MDGA2: variants seen among roughly 807,000 people sequenced by gnomAD.
The protein encoded by MDGA2 is MAM domain-containing glycosylphosphatidylinositol anchor protein 2.
Under a neutral mutation model 117.8 loss-of-function variants are expected in MDGA2, and 40 were observed. The ratio of observed to expected loss-of-function variants is 0.34; its 90% confidence interval spans 0.26 to 0.44. MDGA2 has a LOEUF of 0.44. Among genes scored for constraint, MDGA2 ranks in the 20% least tolerant of loss-of-function variants. The pLI is 1.00. For missense variants in MDGA2, 1,123 were observed against 1,250.6 expected (o/e 0.90, Z 1.54); for synonymous variants, 452 against 439.0 (o/e 1.03, Z -0.37).
At chr14:47,600,199 T>C (rs1260968479) in intron 1 of MDGA2, among the ~76,000 whole-genome samples, 1 of 152,006 alleles carries the variant, frequency 6.6e-6, no homozygotes, top group African/African-American at 2.4e-5. Flanking sequence ...AGTTTGAGAC[T>C]AGCCTCGCCA....
In MDGA2 at chr14:47,096,713, C is replaced by G. The variant is rs912774565; in HGVS notation, c.1195+141G>C. 12 of 838,756 alleles carry G rather than the reference C, an allele frequency of 1.4e-5. No homozygotes were observed. The African/African-American group carries it at 1.7e-4, about 12-fold the overall frequency. 52.0% of individuals were successfully genotyped at this position (838,756 alleles called of 1,614,324 possible). A position where few individuals can be genotyped will look rare whatever the true frequency, so the allele number is the denominator to read the frequency against. ...TTTAAGTTCCACTTATAATTACCCA[C>G]CATTATTATTTATACATGATTTTAT... On this transcript the variant is annotated intron_variant, in intron 6 of 16. Transcript: ENST00000399232.
At chr14:46,945,842 T>C (rs1427639072) in intron 9 of MDGA2, among the ~76,000 whole-genome samples, 1 of 152,092 alleles carries the variant, frequency 6.6e-6, no homozygotes, top group Non-Finnish European at 1.5e-5. Context: ...TTTATGGTCG[T>C]TTGTAGTAGA....
At chr14:47,438,633 G>A (rs1337434479) in intron 1 of MDGA2, among the ~76,000 whole-genome samples, 2 of 152,084 alleles carry the variant, frequency 1.3e-5, no homozygotes, top group Non-Finnish European at 2.9e-5. Context: ...CTCTATCCCT[G>A]CAGCTGCAAC....
intron 1 of MDGA2, among the ~76,000 whole-genome samples, chr14:47,632,067 G>C (rs1387368381): frequency 1.3e-5 from 2 of 152,054 alleles, no homozygotes; most frequent in African/African-American, 4.8e-5. Context: ...GAAACCATAT[G>C]AATACTGTTA....
At chr14:47,038,949 CAAAA>C (rs57534737) in intron 7 of MDGA2, among the ~76,000 whole-genome samples, 1 of 112,818 alleles carries the variant, frequency 8.9e-6, no homozygotes, top group Non-Finnish European at 1.9e-5. Context: ...GACTCCATCT[CAAAA>C]AAAAAAAAAA....
chr14:47,256,488 T>C (rs1376885401), intron 2 of MDGA2, among the ~76,000 whole-genome samples: 1 of 152,112 alleles, frequency 6.6e-6, no homozygotes, highest in Non-Finnish European at 1.5e-5. Context: ...TTACTTGTAG[T>C]AGCAGTACAT....
chr14:47,319,645 T>C (rs1566736832), intron 1 of MDGA2, among the ~76,000 whole-genome samples: 1 of 152,164 alleles, frequency 6.6e-6, no homozygotes, highest in Admixed American at 6.6e-5. Context: ...TAATAGATAT[T>C]TCATCTACTA....
At chr14:47,397,097 A>G (rs1020870104) in intron 1 of MDGA2, among the ~76,000 whole-genome samples, 1 of 152,218 alleles carries the variant, frequency 6.6e-6, no homozygotes, top group African/African-American at 2.4e-5. Context: ...CCCATCAATG[A>G]CAGACTGGAT....
intron 5 of MDGA2, among the ~76,000 whole-genome samples, chr14:47,115,462 A>C (rs1881276833): frequency 6.6e-6 from 1 of 151,964 alleles, no homozygotes; most frequent in African/African-American, 2.4e-5. Flanking sequence ...TTTTGTCTTA[A>C]ATGTTTGTGT....
chr14:47,080,029 C>G (rs1459839563), intron 6 of MDGA2, among the ~76,000 whole-genome samples: 2 of 152,216 alleles, frequency 1.3e-5, no homozygotes, highest in African/African-American at 4.8e-5. Flanking sequence ...CCGTGCCCGG[C>G]CTTTTCTCCT....
intron 1 of MDGA2, among the ~76,000 whole-genome samples, chr14:47,445,328 T>C (rs1051402400): frequency 6.6e-6 from 1 of 152,160 alleles, no homozygotes; most frequent in African/African-American, 2.4e-5. Flanking sequence ...TGGAAAAATG[T>C]CTGCTTTTGG....
intron 1 of MDGA2, among the ~76,000 whole-genome samples, chr14:47,342,546 A>G (rs1279434800): frequency 6.6e-6 from 1 of 152,014 alleles, no homozygotes; most frequent in African/African-American, 2.4e-5. Context: ...CTCCTTTCAG[A>G]ATATTGTTTT....
chr14:47,566,942 T>G (rs534093132), intron 1 of MDGA2, among the ~76,000 whole-genome samples: 1 of 151,772 alleles, frequency 6.6e-6, no homozygotes, highest in Non-Finnish European at 1.5e-5. Context: ...AAGGTTTTGC[T>G]CTGTTGCCAA....
chr14:46,874,323 G>C, intron 12 of MDGA2, 123 bp from the exon 13 acceptor site: 1 of 424,586 alleles, frequency 2.4e-6, no homozygotes, highest in Non-Finnish European at 3.9e-6. Flanking sequence ...AATGGCATGA[G>C]AGCCATAATG....
At chr14:46,954,025 G>A (rs1885466915) in intron 9 of MDGA2, among the ~76,000 whole-genome samples, 2 of 151,970 alleles carry the variant, frequency 1.3e-5, no homozygotes, top group Admixed American at 1.3e-4. Flanking sequence ...TGTGTAATGG[G>A]CATAACATTT....
chr14:47,585,482 T>C (rs1359449637), intron 1 of MDGA2, among the ~76,000 whole-genome samples: 2 of 151,932 alleles, frequency 1.3e-5, no homozygotes, highest in Non-Finnish European at 2.9e-5. Context: ...GAAAGTGCTA[T>C]AAGGATTAAA....
At chr14:47,230,922 T>G (rs1450326672) in intron 2 of MDGA2, among the ~76,000 whole-genome samples, 1 of 151,966 alleles carries the variant, frequency 6.6e-6, no homozygotes, top group African/African-American at 2.4e-5. Flanking sequence ...TTCAACCCAC[T>G]AGATTAATGT....
At chr14:47,070,766 T>C (rs1366577231) in intron 6 of MDGA2, among the ~76,000 whole-genome samples, 1 of 152,154 alleles carries the variant, frequency 6.6e-6, no homozygotes, top group African/African-American at 2.4e-5. Context: ...CCATCAAGCC[T>C]AGCTAATTTT....
chr14:47,003,723 G>GGAATAAAA (rs1406141979), intron 8 of MDGA2, among the ~76,000 whole-genome samples: 1 of 151,772 alleles, frequency 6.6e-6, no homozygotes, highest in African/African-American at 2.4e-5. Flanking sequence ...ACCATGGCTT[G>GGAATAAAA]TCTTTTCATT....
Sources: allele counts gnomAD v4.1 joint callset (sites outside exome capture counted in the v4.1 genomes callset), GRCh38; gene constraint gnomAD v4.1.1; transcripts MANE v1.5; gene names NCBI Gene and HGNC (gene_info 2026-07-23, HGNC 2026-07-21).